GNA14: variants seen among roughly 807,000 people sequenced by gnomAD.
The protein encoded by GNA14 is G protein subunit alpha 14.
A neutral mutation model predicts 42.0 loss-of-function variants in GNA14; 50 were observed. The ratio of observed to expected loss-of-function variants is 1.19; its 90% CI spans 0.95 to 1.51. The LOEUF is 1.51. Among genes scored for constraint, GNA14 ranks in the 40% most tolerant of loss-of-function variants. The pLI is 0.00. For missense variants in GNA14, 473 were observed against 446.2 expected, an observed-to-expected ratio of 1.06 and a Z score of -0.54; for synonymous variants, 173 against 163.1, an observed-to-expected ratio of 1.06 and a Z score of -0.46.
chr9:77,460,739 G>A (rs1425685533), intron 2 of GNA14, among the ~76,000 whole-genome samples: 1 of 152,148 alleles, frequency 6.6e-6, no homozygotes, highest in East Asian at 1.9e-4. Flanking sequence ...CCCTGACTAC[G>A]CCTCGGCTAT....
chr9:77,452,595 TGG>T (rs1835926295), intron 2 of GNA14, among the ~76,000 whole-genome samples: 1 of 103,424 alleles, frequency 9.7e-6, no homozygotes, highest in Non-Finnish European at 1.8e-5. Flanking sequence ...TGTGTGTGTG[TGG>T]TGTGTATGTG....
At chr9:77,535,962 T>C (rs903179775) in intron 1 of GNA14, among the ~76,000 whole-genome samples, 1 of 152,052 alleles carries the variant, frequency 6.6e-6, no homozygotes, top group Non-Finnish European at 1.5e-5. Flanking sequence ...TGGAGCTCTG[T>C]TTTTCAATTT....
chr9:77,489,076 A>T (rs1271206874), intron 2 of GNA14, among the ~76,000 whole-genome samples: 1 of 152,154 alleles, frequency 6.6e-6, no homozygotes, highest in Admixed American at 6.5e-5. Context: ...GAACACAGAG[A>T]TTAAAATAAT....
chr9:77,622,610 T>C (rs1046343896), intron 1 of GNA14, among the ~76,000 whole-genome samples: 3 of 149,942 alleles, frequency 2.0e-5, no homozygotes, highest in African/African-American at 7.4e-5. Flanking sequence ...CTACTAAAAA[T>C]ACAAAAACAT....
At chr9:77,570,263 G>A (rs1587833657) in intron 1 of GNA14, among the ~76,000 whole-genome samples, 1 of 152,022 alleles carries the variant, frequency 6.6e-6, no homozygotes, top group South Asian at 2.1e-4. Flanking sequence ...CCCATTTAAT[G>A]TGTACAATTC....
intron 1 of GNA14, among the ~76,000 whole-genome samples, chr9:77,632,580 C>G (rs1207003698): frequency 6.6e-6 from 1 of 152,176 alleles, no homozygotes; most frequent in Non-Finnish European, 1.5e-5. Context: ...GACCCCAGAC[C>G]TAGGCGTCCC....
rs138355860 is a variant in GNA14, at chr9:77,629,436, T to A, written c.124+18234A>T. On this transcript the variant is annotated intron_variant, in intron 1 of 6. Coordinates refer to ENST00000341700, the MANE Select transcript of GNA14 (RefSeq NM_004297.4). ...TATAAAGACACATGCACATGTATGT[T>A]TATTGCAGCAACTATTCACAACAGC... Among the ~76,000 whole-genome samples the A allele has an allele frequency of 4.1e-3, 629 of 152,336 alleles. 2 individuals are homozygous for A. The highest frequency in any genetic ancestry group is 0.014 in the African/African-American group (569 of 41,572).
intron 1 of GNA14, among the ~76,000 whole-genome samples, chr9:77,612,053 GTTA>G (rs1023748176): frequency 1.3e-5 from 2 of 152,060 alleles, no homozygotes; most frequent in Non-Finnish European, 2.9e-5. Context: ...TGATAAAATA[GTTA>G]TTATTGAGTG....
In GNA14 at chr9:77,535,694, C is replaced by A. The variant is rs73651520; in HGVS notation, c.125-6441G>T. Among the ~76,000 whole-genome samples, 1,405 of 152,200 alleles carry A rather than the reference C, an allele frequency of 9.2e-3. 24 individuals carry two copies. Among genetic ancestry groups the A allele is most frequent in the African/African-American group, 0.031 (1,306 of 41,530 alleles). ...TCATTAAAAATGCAGATTCTTGGGCCCCTTGTCAGGTCTAATAATTTTGAC... is the reference window on the plus strand; with the variant it reads ...TCATTAAAAATGCAGATTCTTGGGCACCTTGTCAGGTCTAATAATTTTGAC... On this transcript the variant is annotated intron_variant, in intron 1 of 6. Transcript: ENST00000341700.
At chr9:77,457,994 T>C (rs1040467343) in intron 2 of GNA14, among the ~76,000 whole-genome samples, 34 of 152,318 alleles carry the variant, frequency 2.2e-4, no homozygotes, top group Non-Finnish European at 1.3e-4. Flanking sequence ...GCTTTAATGA[T>C]GTGCTTTTGA....
chr9:77,478,030 CTTTT>C (rs11455779), intron 2 of GNA14, among the ~76,000 whole-genome samples: 34 of 146,964 alleles, frequency 2.3e-4, no homozygotes, highest in Admixed American at 2.0e-3. Flanking sequence ...TTAAAGGTGT[CTTTT>C]TTTTTTTTAA....
chr9:77,545,620 C>T lies in GNA14; in HGVS notation c.125-16367G>A, dbSNP rs115710038. Among the ~76,000 whole-genome samples, 1,198 of 152,258 alleles carry T rather than the reference C, an allele frequency of 7.9e-3. 17 individuals carry two copies. The highest frequency in any genetic ancestry group is 0.027 in the African/African-American group (1,138 of 41,530). ...GATATTGGAAACATAACATCAACCA[C>T]TTAAAACAGGCCTTACCATTTTCAC... On this transcript the variant is annotated intron_variant, in intron 1 of 6. Coordinates refer to ENST00000341700, the MANE Select transcript of GNA14 (RefSeq NM_004297.4).
intron 2 of GNA14, among the ~76,000 whole-genome samples, chr9:77,515,924 C>A (rs1368811191): frequency 2.2e-5 from 3 of 134,586 alleles, no homozygotes; most frequent in African/African-American, 8.5e-5. Context: ...CATGCCACTG[C>A]ACTCAACCCA....
In GNA14 at chr9:77,596,905, G is replaced by C. The variant is rs959734721; in HGVS notation, c.124+50765C>G. 6.6e-5 allele frequency among the ~76,000 whole-genome samples: 10 copies of C among 152,094 alleles called. No individual in the cohort carries two copies. The South Asian group carries it at 2.1e-3, about 32-fold the overall frequency. On this transcript the variant is annotated intron_variant, in intron 1 of 6. Coordinates refer to ENST00000341700, the MANE Select transcript of GNA14 (RefSeq NM_004297.4). The stretch of plus-strand genomic sequence containing the variant: ...CTTCAAACTGTCCCACCTTTGCTTC[G>C]AGTTGTCACACCTTTCCAGACGGAA...
chr9:77,466,249 TG>T (rs2131717194), intron 2 of GNA14, among the ~76,000 whole-genome samples: 1 of 152,342 alleles, frequency 6.6e-6, no homozygotes, highest in South Asian at 2.1e-4. Flanking sequence ...ATGCAAATAT[TG>T]GGGTGCTAAA....
chr9:77,471,934 CAGTA>C (rs768001642), intron 2 of GNA14, among the ~76,000 whole-genome samples: 1 of 152,170 alleles, frequency 6.6e-6, no homozygotes, highest in Admixed American at 6.5e-5. Flanking sequence ...TTAACTGCAT[CAGTA>C]AGTAAGAAGC....
At chr9:77,426,997 T>A (rs993067771) in intron 5 of GNA14, among the ~76,000 whole-genome samples, 10 of 152,166 alleles carry the variant, frequency 6.6e-5, no homozygotes. Context: ...CTGGAATGTA[T>A]TAAAGCTTTA....
At chr9:77,567,656 C>G (rs1021101072) in intron 1 of GNA14, among the ~76,000 whole-genome samples, 1 of 152,128 alleles carries the variant, frequency 6.6e-6, no homozygotes, top group Non-Finnish European at 1.5e-5. Context: ...CACCTGAGGT[C>G]AGGAGTTCAA....
chr9:77,597,761 T>C (rs1322780853), intron 1 of GNA14, among the ~76,000 whole-genome samples: 1 of 151,992 alleles, frequency 6.6e-6, no homozygotes, highest in Non-Finnish European at 1.5e-5. Context: ...AGTAAAATTT[T>C]CTATTAAAAA....
Sources: gnomAD v4.1 joint callset for allele counts (sites outside exome capture counted in the v4.1 genomes callset) on GRCh38, gnomAD v4.1.1 for gene constraint, MANE v1.5 for transcripts, NCBI Gene and HGNC (gene_info 2026-07-23, HGNC 2026-07-21) for gene names.